LAPTM4A: variants seen among roughly 807,000 people sequenced by gnomAD.
The protein encoded by LAPTM4A is lysosomal-associated transmembrane protein 4A.
Under a neutral mutation model 29.9 loss-of-function variants are expected in LAPTM4A, and 19 were observed. That is an observed-to-expected ratio of 0.64 (90% CI 0.44 to 0.93). The LOEUF (loss-of-function observed/expected upper bound fraction) is 0.93, where lower values mean the gene tolerates loss of function less well. LAPTM4A is among the 40% of genes least tolerant of loss of function. The probability of loss-of-function intolerance (pLI) is 0.00; values close to 1 mark genes in which losing one functional copy is unlikely to be tolerated. For missense variants in LAPTM4A, 293 were observed against 288.5 expected (o/e 1.02, Z -0.11); for synonymous variants, 105 against 102.1 (o/e 1.03, Z -0.17).
chr2:20,038,263 T>C (rs554342296), intron 2 of LAPTM4A, among the ~76,000 whole-genome samples: 1 of 152,324 alleles, frequency 6.6e-6, no homozygotes, highest in African/African-American at 2.4e-5. Context: ...ACTACTTTCT[T>C]CTTCGTTTCT....
intron 5 of LAPTM4A, 42 bp downstream of exon 5, chr2:20,034,925 T>C (rs1399256406): frequency 4.3e-6 from 6 of 1,397,990 alleles, no homozygotes; most frequent in Non-Finnish European, 6.0e-6. Context: ...AGATTCACAG[T>C]GTCAATCTCA....
At chr2:20,051,384 A>G in intron 1 of LAPTM4A, 26 bp downstream of exon 1, 1 of 1,427,468 alleles carries the variant, frequency 7.0e-7, no homozygotes, top group Non-Finnish European at 9.6e-7. Flanking sequence ...CCCCCCGGAC[A>G]TACGCGCCAC....
At chr2:20,033,341 T>C in intron 6 of LAPTM4A, 62 bp from the exon 7 acceptor site, 1 of 1,297,612 alleles carries the variant, frequency 7.7e-7, no homozygotes, top group Non-Finnish European at 1.1e-6. Flanking sequence ...TGTGAGATAA[T>C]TCAGCTTTCA....
At chr2:20,038,994 G>A (rs1032343067) in intron 2 of LAPTM4A, among the ~76,000 whole-genome samples, 1 of 151,562 alleles carries the variant, frequency 6.6e-6, no homozygotes, top group African/African-American at 2.4e-5. Flanking sequence ...TCAGCTCACT[G>A]CAACCTCTGC....
intron 4 of LAPTM4A, among the ~76,000 whole-genome samples, chr2:20,035,501 G>A (rs528502507): frequency 7.9e-5 from 12 of 152,232 alleles, no homozygotes; most frequent in African/African-American, 2.4e-4. Context: ...AATGTCAATC[G>A]TTTGTCTCAA....
chr2:20,035,301 A>G (rs888190173), intron 4 of LAPTM4A: 4 of 458,290 alleles, frequency 8.7e-6, no homozygotes, highest in African/African-American at 7.9e-5. Flanking sequence ...GTCTAAATTT[A>G]GCTCGTTTTC....
Position 20,040,925 on chromosome 2 carries a change from G to A in LAPTM4A, c.198C>T (p.Val66=), listed in dbSNP as rs1673782615. ...TCTCAGACGAATAGTAATTACCGAT[G>A]ACTTCATACTGAATGTTGACAGCTG... The part of the protein sequence containing the change: ...SMPAVNIQYE[V]IGNYYSSERM... The change falls in exon 2 of 7, where the codon GTC becomes GTT. Residue 66 remains valine, a synonymous_variant. Transcript: ENST00000175091. The A allele has an allele frequency of 6.2e-7, 1 of 1,613,672 alleles. No homozygotes were observed. The highest frequency in any genetic ancestry group is 1.3e-5 in the African/African-American group (1 of 75,040).
At chr2:20,043,988 C>G (rs1175397769) in intron 1 of LAPTM4A, among the ~76,000 whole-genome samples, 2 of 152,194 alleles carry the variant, frequency 1.3e-5, no homozygotes, top group Non-Finnish European at 2.9e-5. Flanking sequence ...CCCAAAGAAA[C>G]CATTATCTAA....
In LAPTM4A at chr2:20,034,301, T is replaced by C. The variant is rs758356901; in HGVS notation, c.627+16A>G. 5.8e-6 allele frequency: 9 copies of C among 1,564,876 alleles called. No individual in the cohort carries two copies. Among genetic ancestry groups the C allele is most frequent in the Non-Finnish European group, 7.9e-6 (9 of 1,135,094 alleles). On this transcript the variant is annotated intron_variant, in intron 6 of 6. Transcript: ENST00000175091. ...TAGTGACTGGTGACCTTTTACTCTA[T>C]CCAACAGTAGCTAACCTGAGGAGGT... is the stretch of plus-strand genomic sequence containing the variant.
At chr2:20,043,232 T>TTTGG (rs70939027) in intron 1 of LAPTM4A, among the ~76,000 whole-genome samples, 3 of 139,702 alleles carry the variant, frequency 2.1e-5, no homozygotes, top group East Asian at 2.4e-4. Flanking sequence ...TTTTTTTTTT[T>TTTGG]GAGACCAAGC....
At chr2:20,038,159 A>G (rs1413203901) in intron 2 of LAPTM4A, among the ~76,000 whole-genome samples, 1 of 152,158 alleles carries the variant, frequency 6.6e-6, no homozygotes, top group Non-Finnish European at 1.5e-5. Flanking sequence ...TATAACCTGA[A>G]ATTCAAATTT....
intron 2 of LAPTM4A, among the ~76,000 whole-genome samples, chr2:20,039,728 T>A (rs1673752738): frequency 6.6e-6 from 1 of 151,840 alleles, no homozygotes; most frequent in African/African-American, 2.4e-5. Context: ...AAACTTTTTT[T>A]AAACAAATAA....
intron 1 of LAPTM4A, among the ~76,000 whole-genome samples, chr2:20,043,485 G>C (rs1232511205): frequency 2.6e-5 from 4 of 152,096 alleles, no homozygotes; most frequent in Admixed American, 2.0e-4. Flanking sequence ...CAAAGTGCTG[G>C]GATTACAGGT....
At position 20,051,470 on chromosome 2, in the gene LAPTM4A, G is replaced by C. The variant is rs753632002; in HGVS notation, c.51C>G (p.Thr17=). Residue 17 remains threonine, a synonymous_variant, in exon 1 of 7, where the codon ACC becomes ACG. Transcript: ENST00000175091. ...KRNRSDRFYS[T]RCCGCCHVRT... ...GGACATGGCAACAGCCGCAGCACCG[G>C]GTGCTGTAGAACCGGTCACTGCGGT... 1.9e-6 allele frequency: 3 copies of C among 1,613,400 alleles called. No homozygotes were observed. The highest frequency in any genetic ancestry group is 2.2e-5 in the South Asian group (2 of 90,944).
At chr2:20,051,090 G>A (rs942806791) in intron 1 of LAPTM4A, among the ~76,000 whole-genome samples, 1 of 152,086 alleles carries the variant, frequency 6.6e-6, no homozygotes, top group African/African-American at 2.4e-5. Flanking sequence ...CCAAAACAGA[G>A]GAATTCCCAC....
In LAPTM4A at chr2:20,034,403, T is replaced by C; in HGVS notation, c.541A>G (p.Asn181Asp). ...LFIIFKAYLI[N>D]CVWNCYKYIN... ...TATTTATAGCAGTTCCAAACACAGT[T>C]AATTAGATAAGCCTGGAAGAATAAA... Residue 181 changes from asparagine to aspartate, a missense_variant, in exon 6 of 7, where the codon AAC becomes GAC. Asn to Asp is a conservative substitution (Grantham distance 23). Coordinates refer to ENST00000175091, the MANE Select transcript of LAPTM4A (RefSeq NM_014713.5). 6.2e-7 allele frequency: 1 copy of C among 1,611,122 alleles called. No homozygotes were observed. Among genetic ancestry groups the C allele is most frequent in the Non-Finnish European group, 8.5e-7 (1 of 1,177,270 alleles).
At chr2:20,046,601 C>T (rs1673924203) in intron 1 of LAPTM4A, among the ~76,000 whole-genome samples, 1 of 151,220 alleles carries the variant, frequency 6.6e-6, no homozygotes, top group African/African-American at 2.4e-5. Flanking sequence ...GATCCTCCCA[C>T]TTCAGCCTCC....
chr2:20,047,377 ACT>A (rs1408479358), intron 1 of LAPTM4A, among the ~76,000 whole-genome samples: 1 of 138,744 alleles, frequency 7.2e-6, no homozygotes, highest in Admixed American at 7.5e-5. Flanking sequence ...ACAGAGCAAG[ACT>A]CTGTCTCAAA....
intron 1 of LAPTM4A, among the ~76,000 whole-genome samples, chr2:20,041,632 C>G (rs532668886): frequency 3.3e-5 from 5 of 152,118 alleles, no homozygotes; most frequent in Non-Finnish European, 7.4e-5. Context: ...CCTTCCTAGG[C>G]TCATGTGATC....
Sources: gnomAD v4.1 joint callset for allele counts (sites outside exome capture counted in the v4.1 genomes callset) on GRCh38, gnomAD v4.1.1 for gene constraint, MANE v1.5 for transcripts, NCBI Gene and HGNC (gene_info 2026-07-23, HGNC 2026-07-21) for gene names.